Variants in CRIM1 observed in about 807,000 individuals in gnomAD.
The protein encoded by CRIM1 is cysteine rich transmembrane BMP regulator 1.
Under a neutral mutation model 116.4 loss-of-function variants are expected in CRIM1, and 32 were observed. The observed-to-expected ratio is 0.27, with a 90% CI of 0.21 to 0.37. CRIM1 has a LOEUF of 0.37. Among genes scored for constraint, CRIM1 ranks in the 10% least tolerant of loss-of-function variants. The pLI, the probability that CRIM1 is intolerant of heterozygous loss-of-function variation, is 1.00. For missense variants in CRIM1, 1,331 were observed against 1,354.8 expected, an observed-to-expected ratio of 0.98 and a Z score of 0.28; for synonymous variants, 590 against 509.2, an observed-to-expected ratio of 1.16 and a Z score of -2.13.
chr2:36,547,074 C>G lies in CRIM1; in HGVS notation c.2837C>G (p.Pro946Arg). Reference sequence around the variant, plus strand: ...GACTCCATTGCCTCAGTTGTGGTTCCCATAATTATATGCCTCTCTATTATA... The same window carrying G: ...GACTCCATTGCCTCAGTTGTGGTTCGCATAATTATATGCCTCTCTATTATA... Reference protein sequence around the residue: ...SLDSIASVVVPIIICLSIIIA... With the variant: ...SLDSIASVVVRIIICLSIIIA... The change falls in exon 16 of 17, where the codon CCC (proline) becomes CGC (arginine). Residue 946 changes from proline to arginine, a missense_variant. Physicochemically the swap from Pro to Arg is moderately radical, Grantham distance 103. Coordinates refer to ENST00000280527, the MANE Select transcript of CRIM1 (RefSeq NM_016441.3). The G allele has an allele frequency of 6.2e-7, 1 of 1,611,896 alleles. No individual in the cohort carries two copies. Among genetic ancestry groups the G allele is most frequent in the Non-Finnish European group, 8.5e-7 (1 of 1,178,216 alleles).
At chr2:36,361,325 A>G (rs1034284856) in intron 1 of CRIM1, among the ~76,000 whole-genome samples, 5 of 152,208 alleles carry the variant, frequency 3.3e-5, no homozygotes, top group Non-Finnish European at 7.3e-5. Context: ...AGATTAATAT[A>G]TGAAGAAAAC....
Position 36,442,638 on chromosome 2 carries a change from G to A in CRIM1, c.772G>A (p.Val258Met), listed in dbSNP as rs140886695. 1.2e-5 allele frequency: 20 copies of A among 1,614,048 alleles called. No homozygotes were observed. Among genetic ancestry groups the A allele is most frequent in the South Asian group, 2.2e-5 (2 of 91,092 alleles). ...AGTTTTCGGCGTGGACTGCAGGACTGTGGAATGCCCTCCTGTTCAGCAGAC... is the reference window on the plus strand; with the variant it reads ...AGTTTTCGGCGTGGACTGCAGGACTATGGAATGCCCTCCTGTTCAGCAGAC... ...KPVFGVDCRT[V>M]ECPPVQQTAC... Residue 258 changes from valine (V) to methionine (M), a missense_variant, in exon 4 of 17, where the codon GTG (valine) becomes ATG (methionine). This residue lies in a region of CRIM1 where 690 missense variants were observed against 676.0 expected (regional missense o/e 1.02). Transcript: ENST00000280527.
At chr2:36,479,211 C>A (rs1679215901) in intron 6 of CRIM1, among the ~76,000 whole-genome samples, 1 of 152,222 alleles carries the variant, frequency 6.6e-6, no homozygotes, top group Non-Finnish European at 1.5e-5. Flanking sequence ...GCTCTTGCCA[C>A]AAAGCTTTCC....
chr2:36,452,670 G>C (rs548610162), intron 4 of CRIM1, among the ~76,000 whole-genome samples: 1 of 147,752 alleles, frequency 6.8e-6, no homozygotes, highest in African/African-American at 2.5e-5. Flanking sequence ...TGTGTTTCCT[G>C]TACTAGGGCC....
At chr2:36,416,355 T>G (rs755948611) in intron 2 of CRIM1, among the ~76,000 whole-genome samples, 10 of 152,136 alleles carry the variant, frequency 6.6e-5, no homozygotes, top group Admixed American at 3.9e-4. Flanking sequence ...GCTAAAAGAA[T>G]GGGAACTTTA....
intron 13 of CRIM1, among the ~76,000 whole-genome samples, chr2:36,534,331 AAGG>A (rs1401720698): frequency 8.5e-5 from 10 of 117,248 alleles, no homozygotes; most frequent in African/African-American, 2.9e-4. Flanking sequence ...AGAAGGAGAA[AAGG>A]AGGGAGGGAG....
chr2:36,546,523 T>A (rs139785897), intron 15 of CRIM1, among the ~76,000 whole-genome samples: 351 of 152,284 alleles, frequency 2.3e-3, no homozygotes, highest in African/African-American at 7.9e-3. Context: ...ATCTAATTAG[T>A]CTTAGCTATT....
intron 4 of CRIM1, among the ~76,000 whole-genome samples, 186 bp from the exon 5 acceptor site, chr2:36,464,348 G>A (rs1677826553): frequency 6.6e-6 from 1 of 152,210 alleles, no homozygotes; most frequent in Non-Finnish European, 1.5e-5. Context: ...ACAAGCCTTA[G>A]TTATTTGAAA....
At chr2:36,490,619 G>A (rs183541834) in intron 7 of CRIM1, among the ~76,000 whole-genome samples, 1 of 152,116 alleles carries the variant, frequency 6.6e-6, no homozygotes, top group Non-Finnish European at 1.5e-5. Context: ...CTTTGATCCC[G>A]GGTTCTTCTG....
chr2:36,378,943 T>G (rs1209291147), intron 1 of CRIM1: 1 of 152,088 alleles, frequency 6.6e-6, no homozygotes, highest in Non-Finnish European at 1.5e-5. Context: ...TTCTTCTCAT[T>G]CTAAAAATAT....
At position 36,549,870 on chromosome 2, in the gene CRIM1, T is replaced by TACAATTTATGTTTTCC. The variant is rs1346610058; in HGVS notation, c.*1170_*1185dup. The TACAATTTATGTTTTCC allele has an allele frequency of 6.6e-6, 1 of 152,086 alleles. No homozygotes were observed. The highest frequency in any genetic ancestry group is 6.6e-5 in the Admixed American group (1 of 15,200). The allele number at this position is 152,086 out of a possible 1,614,324, so 9.4% of individuals were successfully genotyped here. A position where few individuals can be genotyped will look rare whatever the true frequency, so the allele number is the denominator to read the frequency against. On this transcript the variant is annotated 3_prime_UTR_variant, in exon 17 of 17. Coordinates refer to ENST00000280527, the MANE Select transcript of CRIM1 (RefSeq NM_016441.3). ...ATATATACATATATATTTATACACA[T>TACAATTTATGTTTTCC]ACAATTTATGTTTTCCTGTTGAATG... is the stretch of plus-strand genomic sequence containing the variant.
At chr2:36,478,105 C>T (rs150971078) in intron 6 of CRIM1, among the ~76,000 whole-genome samples, 2 of 152,238 alleles carry the variant, frequency 1.3e-5, no homozygotes, top group East Asian at 3.9e-4. Context: ...AAAATTTTCT[C>T]CTTTTGATAT....
In CRIM1 at chr2:36,548,921, A is replaced by G; in HGVS notation, c.*220A>G. 2.9e-6 allele frequency: 1 copy of G among 341,390 alleles called. No individual in the cohort carries two copies. 21.1% of individuals were successfully genotyped at this position (341,390 alleles called of 1,614,324 possible). ...CTGACCAAGTGTTTTCTTAGAACCA[A>G]AGTTTTTAAAGTTGCTAAGATATAT... On this transcript the variant is annotated 3_prime_UTR_variant, in exon 17 of 17. Coordinates refer to ENST00000280527, the MANE Select transcript of CRIM1 (RefSeq NM_016441.3).
chr2:36,472,147 C>T (rs1314146750), intron 5 of CRIM1, among the ~76,000 whole-genome samples: 1 of 152,160 alleles, frequency 6.6e-6, no homozygotes, highest in African/African-American at 2.4e-5. Flanking sequence ...CACTTCTGTG[C>T]TTCATATTGA....
intron 1 of CRIM1, among the ~76,000 whole-genome samples, chr2:36,362,791 A>G (rs575414312): frequency 8.7e-4 from 132 of 152,194 alleles, no homozygotes; most frequent in Middle Eastern, 3.4e-3. Flanking sequence ...TAAAGAACCT[A>G]TTTTCCTTTG....
At chr2:36,544,632 A>G (rs966702148) in intron 15 of CRIM1, 134 bp downstream of exon 15, 2 of 952,348 alleles carry the variant, frequency 2.1e-6, no homozygotes, top group Non-Finnish European at 2.7e-6. Context: ...ATTCCCGGGC[A>G]GACCTGCTTG....
intron 12 of CRIM1, among the ~76,000 whole-genome samples, chr2:36,521,767 G>A (rs1472716446): frequency 1.3e-5 from 2 of 152,202 alleles, no homozygotes; most frequent in Admixed American, 1.3e-4. Context: ...GGAAAGCAGG[G>A]AACAGAATTG....
chr2:36,523,413 G>A (rs1008397828), intron 13 of CRIM1, among the ~76,000 whole-genome samples: 2 of 152,132 alleles, frequency 1.3e-5, no homozygotes, highest in South Asian at 4.1e-4. Flanking sequence ...TGTGAGCAGA[G>A]GATCTATGTA....
At chr2:36,375,522 A>C (rs1345602270) in intron 1 of CRIM1, among the ~76,000 whole-genome samples, 1 of 152,248 alleles carries the variant, frequency 6.6e-6, no homozygotes. Flanking sequence ...AGTGCTCTTT[A>C]GATTAGCAAA....
Sources: allele counts gnomAD v4.1 joint callset (sites outside exome capture counted in the v4.1 genomes callset), GRCh38; gene constraint gnomAD v4.1.1; regional missense constraint gnomAD v4.1.1; transcripts MANE v1.5; gene names NCBI Gene and HGNC (gene_info 2026-07-23, HGNC 2026-07-21).